KLF12: variants seen among roughly 807,000 people sequenced by gnomAD.
KLF12 encodes Krueppel-like factor 12.
Under a neutral mutation model 37.8 loss-of-function variants are expected in KLF12, and 9 were observed. That is an observed-to-expected ratio of 0.24 (90% confidence interval 0.14 to 0.42). The LOEUF is 0.42. Ranked by LOEUF, KLF12 falls within the 10% of genes least tolerant of loss-of-function variation. The pLI is 1.00. For missense variants in KLF12, 411 were observed against 516.0 expected (o/e 0.80, Z 1.97); for synonymous variants, 208 against 202.1 (o/e 1.03, Z -0.25).
chr13:74,055,843 G>A lies in KLF12; in HGVS notation c.-31-60790C>T, dbSNP rs150305740. On this transcript the variant is annotated intron_variant, in intron 1 of 7. Coordinates refer to ENST00000377669, the MANE Select transcript of KLF12 (RefSeq NM_007249.5). ...AAGTCTGGGGCCAGGATAAACGGAGGCATGTAAGGCCCAGGAAGGACAAAC... is the reference window on the plus strand; with the variant it reads ...AAGTCTGGGGCCAGGATAAACGGAGACATGTAAGGCCCAGGAAGGACAAAC... Among the ~76,000 whole-genome samples, 6 of 152,304 alleles carry A rather than the reference G, an allele frequency of 3.9e-5. No homozygotes were observed. In the East Asian group the frequency reaches 1.2e-3, roughly 29 times the overall value.
chr13:74,241,318 C>T, the KLF12 span, among the ~76,000 whole-genome samples: 4 of 151,482 alleles, frequency 2.6e-5, no homozygotes, highest in East Asian at 1.9e-4. Context: ...TCTCCAGCTG[C>T]GTACTGGGAG....
At chr13:74,273,806 C>T in the KLF12 span, among the ~76,000 whole-genome samples, 3 of 152,156 alleles carry the variant, frequency 2.0e-5, no homozygotes, top group South Asian at 6.2e-4. Context: ...TTACATAATG[C>T]ATGGCAGCTG....
chr13:74,169,006 C>T, the KLF12 span, among the ~76,000 whole-genome samples: 3 of 152,038 alleles, frequency 2.0e-5, no homozygotes, highest in Admixed American at 6.6e-5. Context: ...GACAGCAATG[C>T]TTTTAATGAT....
chr13:74,067,299 A>G (rs1421007598), intron 1 of KLF12, among the ~76,000 whole-genome samples: 3 of 152,266 alleles, frequency 2.0e-5, no homozygotes, highest in African/African-American at 4.8e-5. Flanking sequence ...GGTCTCTATG[A>G]AGTATTAAAA....
At chr13:74,156,066 A>G in the KLF12 span, among the ~76,000 whole-genome samples, 2 of 152,166 alleles carry the variant, frequency 1.3e-5, no homozygotes, top group Non-Finnish European at 2.9e-5. Flanking sequence ...CAACTTTCTC[A>G]GCACTTCTTG....
At chr13:73,882,880 C>T (rs536946958) in intron 3 of KLF12, among the ~76,000 whole-genome samples, 2 of 152,072 alleles carry the variant, frequency 1.3e-5, no homozygotes, top group African/African-American at 2.4e-5. Flanking sequence ...ATGTATAGGG[C>T]GATTTAGGGA....
At chr13:73,854,883 G>A (rs113022078) in intron 3 of KLF12, among the ~76,000 whole-genome samples, 289 of 152,224 alleles carry the variant, frequency 1.9e-3, no homozygotes, top group African/African-American at 6.5e-3. Context: ...CAGGGATATC[G>A]AGGGACAACT....
At chr13:74,054,469 T>C (rs1873126590) in intron 1 of KLF12, among the ~76,000 whole-genome samples, 1 of 151,912 alleles carries the variant, frequency 6.6e-6, no homozygotes, top group Non-Finnish European at 1.5e-5. Flanking sequence ...CGAGACCTGA[T>C]GGGAGAGGCT....
At chr13:73,717,485 T>C (rs1875904294) in intron 6 of KLF12, among the ~76,000 whole-genome samples, 2 of 152,354 alleles carry the variant, frequency 1.3e-5, no homozygotes, top group South Asian at 4.1e-4. Context: ...CAGTGAATTT[T>C]TTCTGAAAGT....
chr13:73,978,350 A>C (rs1037307273), intron 2 of KLF12, among the ~76,000 whole-genome samples: 1 of 147,856 alleles, frequency 6.8e-6, no homozygotes, highest in Non-Finnish European at 1.5e-5. Context: ...AAATAAGCAT[A>C]TGAAAAAAAT....
intron 3 of KLF12, among the ~76,000 whole-genome samples, chr13:73,934,946 T>TTTTA (rs1889856291): frequency 8.1e-6 from 1 of 122,994 alleles, no homozygotes; most frequent in South Asian, 2.9e-4. Context: ...TTGGATAGGT[T>TTTTA]TTTATTATTT....
intron 1 of KLF12, among the ~76,000 whole-genome samples, chr13:74,088,895 A>C (rs186393764): frequency 4.6e-5 from 7 of 152,238 alleles, no homozygotes; most frequent in African/African-American, 1.7e-4. Context: ...ACTTGTATGC[A>C]TAACAGGATG....
intron 1 of KLF12, among the ~76,000 whole-genome samples, chr13:74,118,543 G>A (rs1877445317): frequency 6.6e-6 from 1 of 152,146 alleles, no homozygotes; most frequent in Admixed American, 6.5e-5. Context: ...TCTATTTCCT[G>A]GTAGATAAGA....
intron 3 of KLF12, among the ~76,000 whole-genome samples, chr13:73,869,934 C>T (rs1405772680): frequency 6.6e-6 from 1 of 152,160 alleles, no homozygotes; most frequent in Non-Finnish European, 1.5e-5. Flanking sequence ...AGTAGAGCCA[C>T]GCTGATTCCT....
rs1821964709 is a variant in KLF12 at position 73,943,848 on chromosome 13, G to A, written c.123+133C>T. 3 of 616,400 alleles carry A rather than the reference G, an allele frequency of 4.9e-6. No individual in the cohort carries two copies. In the African/African-American group the frequency reaches 5.6e-5, roughly 12 times the overall value. The allele number at this position is 616,400 out of a possible 1,614,324, so 38.2% of individuals were successfully genotyped here. On this transcript the variant is annotated intron_variant, in intron 3 of 7. Coordinates refer to ENST00000377669, the MANE Select transcript of KLF12 (RefSeq NM_007249.5). ...AGATCAACCACAATCTCAGATTTTTGTTTGTTTTAACCTGAGAGAGAAAAG... is the reference window on the plus strand; with the variant it reads ...AGATCAACCACAATCTCAGATTTTTATTTGTTTTAACCTGAGAGAGAAAAG...
chr13:73,895,131 C>T (rs1024075509), intron 3 of KLF12, among the ~76,000 whole-genome samples: 1 of 152,192 alleles, frequency 6.6e-6, no homozygotes, highest in Non-Finnish European at 1.5e-5. Context: ...AACACACCCC[C>T]TGTAGATTCA....
upstream of KLF12, among the ~76,000 whole-genome samples, chr13:74,135,843 A>G (rs1233086046): frequency 6.6e-6 from 1 of 152,158 alleles, no homozygotes; most frequent in Admixed American, 6.5e-5. Flanking sequence ...GAGGCCGAGA[A>G]ACAGGAAATG....
chr13:73,866,580 A>T (rs1299485493), intron 3 of KLF12, among the ~76,000 whole-genome samples: 1 of 152,164 alleles, frequency 6.6e-6, no homozygotes, highest in Non-Finnish European at 1.5e-5. Context: ...TGAAATAAAA[A>T]AAAATAAAAC....
At chr13:73,765,068 G>A in intron 5 of KLF12, 68 bp from the exon 6 acceptor site, 2 of 911,288 alleles carry the variant, frequency 2.2e-6, no homozygotes, top group Non-Finnish European at 3.4e-6. Flanking sequence ...TAAAAAAATG[G>A]CATGTTTTAT....
Sources: allele counts gnomAD v4.1 joint callset (sites outside exome capture counted in the v4.1 genomes callset), GRCh38; gene constraint gnomAD v4.1.1; transcripts MANE v1.5; gene names NCBI Gene and HGNC (gene_info 2026-07-23, HGNC 2026-07-21).